LIPN: variants seen among roughly 807,000 people sequenced by gnomAD.
LIPN encodes the protein lipase member N.
LIPN carries 32 observed loss-of-function variants against 43.7 expected under a neutral mutation model. The observed-to-expected ratio is 0.73, with a 90% CI of 0.55 to 0.98. The LOEUF is 0.98. Among genes scored for constraint, LIPN ranks in the 50% least tolerant of loss-of-function variants. The pLI is 0.00. For missense variants in LIPN, 505 were observed against 483.8 expected (o/e 1.04, Z -0.41); for synonymous variants, 156 against 157.6 (o/e 0.99, Z 0.08).
chr10:88,759,992 C>T (rs1842972778), upstream of LIPN, among the ~76,000 whole-genome samples: 1 of 152,118 alleles, frequency 6.6e-6, no homozygotes, highest in African/African-American at 2.4e-5. Context: ...ATCTCTCTAG[C>T]TTCTAACTGT....
intron 7 of LIPN, among the ~76,000 whole-genome samples, chr10:88,771,341 T>C (rs2134852343): frequency 6.6e-6 from 1 of 151,916 alleles, no homozygotes; most frequent in East Asian, 1.9e-4. Flanking sequence ...CATCCTATTG[T>C]GCATGCCAGA....
intron 7 of LIPN, among the ~76,000 whole-genome samples, chr10:88,772,692 C>T (rs117555456): frequency 1.3e-3 from 200 of 151,650 alleles, no homozygotes; most frequent in Non-Finnish European, 1.8e-3. Flanking sequence ...TCATGTGATG[C>T]CTCCAGCTTT....
In LIPN at chr10:88,761,467, T is replaced by A; in HGVS notation, c.62T>A (p.Phe21Tyr). ...LICGTLNAGG[F>Y]LDLENEVNPE... ...TGTGGAACTTTAAATGCTGGTGGAT[T>A]CCTTGATTTGGAAAATGAAGTGAAT... The change falls in exon 2 of 10, where the codon TTC becomes TAC. Residue 21 changes from phenylalanine (F) to tyrosine (Y), a missense_variant. Physicochemically the swap from Phe to Tyr is conservative, Grantham distance 22 (BLOSUM62 3). Transcript: ENST00000404459. 6.2e-7 allele frequency: 1 copy of A among 1,612,442 alleles called. No homozygotes were observed.
chr10:88,758,864 G>A (rs1335920125), upstream of LIPN, among the ~76,000 whole-genome samples: 2 of 152,028 alleles, frequency 1.3e-5, no homozygotes, highest in Non-Finnish European at 2.9e-5. Flanking sequence ...AACTATATTT[G>A]TGCTATTTCC....
At chr10:88,760,926 A>G (rs391683) in intron 1 of LIPN, among the ~76,000 whole-genome samples, 120,023 of 152,098 alleles carry the variant, frequency 0.79, 48,207 homozygotes, top group East Asian at 1. Context: ...GTGAGAAATA[A>G]TCACATCACT....
chr10:88,770,926 C>T lies in LIPN; in HGVS notation c.754C>T (p.Leu252Phe), dbSNP rs114737713. The T allele has an allele frequency of 2.4e-3, 3,707 of 1,557,062 alleles. 54 individuals carry two copies. The African/African-American group carries it at 0.038, about 16-fold the overall frequency. Residue 252 changes from leucine (L) to phenylalanine (F), a missense_variant, in exon 7 of 10, where the codon CTC becomes TTC. Transcript: ENST00000404459. ...TACCAAAATCTGCAACAATAAGATACTCTGGTTGATATGTAGCGAATTTAT... is the reference window on the plus strand; with the variant it reads ...TACCAAAATCTGCAACAATAAGATATTCTGGTTGATATGTAGCGAATTTAT... ...ASTKICNNKILWLICSEFMSL... is the reference protein window; with the variant it reads ...ASTKICNNKIFWLICSEFMSL...
chr10:88,762,237 C>T lies in LIPN; in HGVS notation c.158C>T (p.Thr53Ile), dbSNP rs369592436. ...TACCCCAGTGAAGAGTATGAAGTCA[C>T]CACTGAAGATGGGTATATACTCCTT... ...NGYPSEEYEVTTEDGYILLVN... is the reference protein window; with the variant it reads ...NGYPSEEYEVITEDGYILLVN... Residue 53 changes from threonine to isoleucine, a missense_variant, in exon 3 of 10, where the codon ACC becomes ATC. Thr to Ile is a moderately conservative substitution (Grantham distance 89). Transcript: ENST00000404459. 5.6e-6 allele frequency: 9 copies of T among 1,609,470 alleles called. No homozygotes were observed. The highest frequency in any genetic ancestry group is 1.3e-5 in the African/African-American group (1 of 74,890).
intron 7 of LIPN, 24 bp from the exon 8 acceptor site, chr10:88,774,449 T>C (rs1843261678): frequency 6.4e-7 from 1 of 1,569,990 alleles, no homozygotes; most frequent in East Asian, 2.3e-5. Flanking sequence ...GCAATTGCTG[T>C]AATATGAGTT....
At chr10:88,766,495 C>T (rs1843101868) in intron 5 of LIPN, 117 bp downstream of exon 5, 1 of 726,032 alleles carries the variant, frequency 1.4e-6, no homozygotes, top group Non-Finnish European at 2.5e-6. Context: ...GCCCTCAATT[C>T]CCTGTCCTCT....
At chr10:88,770,749 G>C in intron 6 of LIPN, 96 bp from the exon 7 acceptor site, 1 of 699,642 alleles carries the variant, frequency 1.4e-6, no homozygotes, top group Non-Finnish European at 2.3e-6. Flanking sequence ...CTATTGAGTT[G>C]AGCTCCTTAT....
chr10:88,777,724 G>T (rs1445494809), intron 9 of LIPN, among the ~76,000 whole-genome samples: 1 of 151,760 alleles, frequency 6.6e-6, no homozygotes, highest in Non-Finnish European at 1.5e-5. Flanking sequence ...CATTTCACAG[G>T]ACCCCTCTTT....
rs77322767 is a variant in LIPN at position 88,777,649 on chromosome 10, C to G, written c.964-360C>G. The stretch of plus-strand genomic sequence containing the variant: ...GCTTGCCATTCCTGATCATAGCCTA[C>G]AAACTCTTCCTGCCTCCCACTCACC... On this transcript the variant is annotated intron_variant, in intron 9 of 9. Transcript: ENST00000404459. 8.5e-3 allele frequency among the ~76,000 whole-genome samples: 1,288 copies of G among 152,162 alleles called. 46 individuals are homozygous for G. The highest frequency in any genetic ancestry group is 0.072 in the East Asian group (370 of 5,164).
In LIPN at chr10:88,770,896, G is replaced by C; in HGVS notation, c.724G>C (p.Ala242Pro). 6.5e-7 allele frequency: 1 copy of C among 1,544,606 alleles called. No homozygotes were observed. The highest frequency in any genetic ancestry group is 8.8e-7 in the Non-Finnish European group (1 of 1,141,200). The change falls in exon 7 of 10, where the codon GCT becomes CCT. Residue 242 changes from alanine (A) to proline (P), a missense_variant. Coordinates refer to ENST00000404459, the MANE Select transcript of LIPN (RefSeq NM_001102469.2). ...TTTAGAAGATAAGAAAACGAAGATA[G>C]CTTCTACCAAAATCTGCAACAATAA... ...FFLEDKKTKIASTKICNNKIL... is the reference protein window; with the variant it reads ...FFLEDKKTKIPSTKICNNKIL...
rs1842974578 is a variant in LIPN at position 88,760,122 on chromosome 10, A to G, written c.-9+16A>G. 6.6e-6 allele frequency among the ~76,000 whole-genome samples: 1 copy of G among 152,118 alleles called. No homozygotes were observed. Among genetic ancestry groups the G allele is most frequent in the South Asian group, 2.1e-4 (1 of 4,824 alleles). On this transcript the variant is annotated intron_variant, in intron 1 of 9. Coordinates refer to ENST00000404459, the MANE Select transcript of LIPN (RefSeq NM_001102469.2). ...ATCTAACTAGGTAAGATGAAGATCT[A>G]TCATAACCAGGAGGCAGGTTGGAAG... is the stretch of plus-strand genomic sequence containing the variant.
In LIPN at chr10:88,770,827, T is replaced by G; in HGVS notation, c.673-18T>G. The G allele has an allele frequency of 7.2e-7, 1 of 1,393,500 alleles. No individual in the cohort carries two copies. Among genetic ancestry groups the G allele is most frequent in the Non-Finnish European group, 9.8e-7 (1 of 1,017,676 alleles). The allele number at this position is 1,393,500 out of a possible 1,614,324, so 86.3% of individuals were successfully genotyped here. A position where few individuals can be genotyped will look rare whatever the true frequency, so the allele number is the denominator to read the frequency against. On this transcript the variant is annotated intron_variant, in intron 6 of 9. Transcript: ENST00000404459. The stretch of plus-strand genomic sequence containing the variant: ...ATATTTTATCTCATTCAAAGATAAT[T>G]ATTATTTACTTTCATAGGCTGTTTT...
At chr10:88,774,678 T>C (rs967326211) in intron 8 of LIPN, 134 bp downstream of exon 8, 4 of 699,428 alleles carry the variant, frequency 5.7e-6, no homozygotes, top group Non-Finnish European at 1.0e-5. Context: ...CTGCCTTCTG[T>C]ATGCCTTGAT....
At chr10:88,775,914 A>G (rs1406034896) in intron 9 of LIPN, among the ~76,000 whole-genome samples, 2 of 152,082 alleles carry the variant, frequency 1.3e-5, no homozygotes, top group Non-Finnish European at 1.5e-5. Flanking sequence ...AATCAGACTA[A>G]TCAATTTCTC....
chr10:88,758,237 T>C (rs151287500), upstream of LIPN, among the ~76,000 whole-genome samples: 31 of 152,088 alleles, frequency 2.0e-4, no homozygotes, highest in East Asian at 3.9e-3. Context: ...ATCTTCACAA[T>C]TGAATGAGTA....
Position 88,770,916 on chromosome 10 carries a change from C to A in LIPN, c.744C>A (p.Asn248Lys). The change falls in exon 7 of 10, where the codon AAC becomes AAA. Residue 248 changes from asparagine to lysine, a missense_variant. Coordinates refer to ENST00000404459, the MANE Select transcript of LIPN (RefSeq NM_001102469.2). ...KTKIASTKIC[N>K]NKILWLICSE... ...AGATAGCTTCTACCAAAATCTGCAA[C>A]AATAAGATACTCTGGTTGATATGTA... is the stretch of plus-strand genomic sequence containing the variant. 6.4e-7 allele frequency: 1 copy of A among 1,552,012 alleles called. No individual in the cohort carries two copies. Among genetic ancestry groups the A allele is most frequent in the Non-Finnish European group, 8.7e-7 (1 of 1,145,550 alleles).
Sources: gnomAD v4.1 joint callset for allele counts (sites outside exome capture counted in the v4.1 genomes callset) on GRCh38, gnomAD v4.1.1 for gene constraint, MANE v1.5 for transcripts, NCBI Gene and HGNC (gene_info 2026-07-23, HGNC 2026-07-21) for gene names.